DGKB: variants seen among roughly 807,000 people sequenced by gnomAD.
The protein encoded by DGKB is 90 kDa diacylglycerol kinase.
Under a neutral mutation model 114.3 loss-of-function variants are expected in DGKB, and 67 were observed. The ratio of observed to expected loss-of-function variants is 0.59; its 90% CI spans 0.48 to 0.72. The LOEUF is 0.72. Ranked by LOEUF, DGKB falls within the 30% of genes least tolerant of loss-of-function variation. The pLI is 0.00. For synonymous variants in DGKB, 398 were observed against 323.1 expected (o/e 1.23, Z -2.49); for missense variants, 907 against 975.2 (o/e 0.93, Z 0.93).
At chr7:14,613,591 G>C (rs1038711648) in intron 15 of DGKB, among the ~76,000 whole-genome samples, 178 bp from the exon 16 acceptor site, 9 of 151,658 alleles carry the variant, frequency 5.9e-5, no homozygotes, top group African/African-American at 2.2e-4. Context: ...GTATGTGTGT[G>C]TGGTGTGTTC....
intron 23 of DGKB, among the ~76,000 whole-genome samples, chr7:14,188,487 C>G (rs1461499756): frequency 7.6e-6 from 1 of 131,022 alleles, no homozygotes; most frequent in South Asian, 2.3e-4. Context: ...GGTGAAACCC[C>G]GTCTCTACTA....
At chr7:14,881,331 C>A (rs1222902043) in intron 1 of DGKB, among the ~76,000 whole-genome samples, 1 of 152,152 alleles carries the variant, frequency 6.6e-6, no homozygotes, top group Non-Finnish European at 1.5e-5. Context: ...AGTCCTGTCA[C>A]CATTTTTGAA....
At chr7:14,907,981 CAG>C (rs1356360181), upstream of DGKB, among the ~76,000 whole-genome samples, 1 of 152,134 alleles carries the variant, frequency 6.6e-6, no homozygotes, top group Non-Finnish European at 1.5e-5. Context: ...AATTCTGTGA[CAG>C]AGAAATTGTA....
At chr7:14,862,467 T>C (rs772328706) in intron 1 of DGKB, among the ~76,000 whole-genome samples, 1 of 152,044 alleles carries the variant, frequency 6.6e-6, no homozygotes, top group African/African-American at 2.4e-5. Context: ...ATTTAGTGGT[T>C]ATAACAACTT....
chr7:14,345,393 T>G lies in DGKB; in HGVS notation c.1836-2A>C. ...AAATACCAAAATTTGTTCTTCATTC[T>G]GAAAAAGAAAAGGAAGAAGCACCTT... On this transcript the variant is annotated splice_acceptor_variant, in intron 21 of 25. Transcript: ENST00000402815. LOFTEE classifies it high-confidence loss of function. The G allele has an allele frequency of 6.6e-7, 1 of 1,517,190 alleles. No homozygotes were observed. The highest frequency in any genetic ancestry group is 8.9e-7 in the Non-Finnish European group (1 of 1,122,518). 94.0% of individuals were successfully genotyped at this position (1,517,190 alleles called of 1,614,324 possible).
At chr7:14,646,281 T>G (rs1056254826) in intron 13 of DGKB, among the ~76,000 whole-genome samples, 1 of 152,052 alleles carries the variant, frequency 6.6e-6, no homozygotes, top group Non-Finnish European at 1.5e-5. Flanking sequence ...ACAAAGAAGG[T>G]CATTAGATAA....
intron 21 of DGKB, among the ~76,000 whole-genome samples, chr7:14,452,783 G>T (rs1460088515): frequency 6.6e-6 from 1 of 151,968 alleles, no homozygotes; most frequent in African/African-American, 2.4e-5. Flanking sequence ...TGGAAATTTT[G>T]TTATTGTGCA....
intron 20 of DGKB, among the ~76,000 whole-genome samples, chr7:14,526,748 T>A: frequency 6.6e-6 from 1 of 152,142 alleles, no homozygotes; most frequent in East Asian, 1.9e-4. Context: ...GTGCATCTAA[T>A]GCAGTTCGTA....
intron 4 of DGKB, among the ~76,000 whole-genome samples, chr7:14,739,975 C>A (rs570219011): frequency 1.3e-5 from 2 of 152,264 alleles, no homozygotes; most frequent in Non-Finnish European, 2.9e-5. Flanking sequence ...CGTGTGTCTG[C>A]GTGTCTGCTG....
intron 1 of DGKB, among the ~76,000 whole-genome samples, chr7:14,973,746 C>T (rs556360385): frequency 2.2e-4 from 32 of 148,454 alleles, no homozygotes; most frequent in Admixed American, 8.7e-4. Flanking sequence ...TTATATATGA[C>T]GCATAACAGT....
At chr7:14,851,532 G>A (rs981616788) in intron 1 of DGKB, among the ~76,000 whole-genome samples, 1 of 152,076 alleles carries the variant, frequency 6.6e-6, no homozygotes. Flanking sequence ...TATTTTCCAA[G>A]AATGATGATA....
intron 2 of DGKB, among the ~76,000 whole-genome samples, chr7:14,779,010 G>T (rs543916869): frequency 9.2e-5 from 14 of 152,166 alleles, no homozygotes; most frequent in Non-Finnish European, 1.9e-4. Context: ...ACACAAATTA[G>T]CTAGGCGTGG....
At chr7:14,804,424 A>G (rs1340085377) in intron 2 of DGKB, among the ~76,000 whole-genome samples, 1 of 152,010 alleles carries the variant, frequency 6.6e-6, no homozygotes, top group African/African-American at 2.4e-5. Flanking sequence ...TTTCTCCACA[A>G]ACATAAATAC....
At chr7:14,264,164 G>C (rs1282424797) in intron 23 of DGKB, among the ~76,000 whole-genome samples, 2 of 152,138 alleles carry the variant, frequency 1.3e-5, no homozygotes, top group Non-Finnish European at 2.9e-5. Context: ...AATAGACATT[G>C]GTAGATGACA....
chr7:14,837,601 T>C (rs1425673601), intron 2 of DGKB, among the ~76,000 whole-genome samples: 3 of 152,208 alleles, frequency 2.0e-5, no homozygotes, highest in Non-Finnish European at 1.5e-5. Flanking sequence ...TATTAAAAGA[T>C]ACAAATCAAA....
Position 14,368,975 on chromosome 7 carries a change from G to T in DGKB, c.1836-23584C>A, listed in dbSNP as rs528708390. ...CTGGGATACATGTGCAGAAGGTGCA[G>T]GTTTGTTACATAGGTATACATGTGC... On this transcript the variant is annotated intron_variant, in intron 21 of 25. Transcript: ENST00000402815. Among the ~76,000 whole-genome samples the T allele has an allele frequency of 9.2e-5, 14 of 151,988 alleles. No homozygotes were observed. In the South Asian group the frequency reaches 2.5e-3, roughly 27 times the overall value.
intron 13 of DGKB, among the ~76,000 whole-genome samples, chr7:14,653,490 C>T (rs1324694421): frequency 6.6e-6 from 1 of 151,592 alleles, no homozygotes; most frequent in Non-Finnish European, 1.5e-5. Context: ...GAATATCACA[C>T]TCTGGGGACT....
At chr7:14,203,265 A>G (rs1786201896) in intron 23 of DGKB, among the ~76,000 whole-genome samples, 1 of 151,916 alleles carries the variant, frequency 6.6e-6, no homozygotes, top group Non-Finnish European at 1.5e-5. Flanking sequence ...CAGTCATAAG[A>G]CATTTCCTTA....
At chr7:14,831,457 T>C (rs1846401695) in intron 2 of DGKB, among the ~76,000 whole-genome samples, 1 of 152,076 alleles carries the variant, frequency 6.6e-6, no homozygotes, top group Non-Finnish European at 1.5e-5. Context: ...ATAACTCTCC[T>C]TTGAGCAAAA....
Sources: allele counts gnomAD v4.1 joint callset (sites outside exome capture counted in the v4.1 genomes callset), GRCh38; gene constraint gnomAD v4.1.1; transcripts MANE v1.5; gene names NCBI Gene and HGNC (gene_info 2026-07-23, HGNC 2026-07-21).